Variants in TAF1 observed in about 807,000 individuals in gnomAD.
TAF1 encodes the protein transcription initiation factor TFIID subunit 1.
A neutral mutation model predicts 138.5 loss-of-function variants in TAF1; 2 were observed. That is an observed-to-expected ratio of 0.01 (90% CI 0.01 to 0.05). TAF1 has a LOEUF of 0.05. Among genes scored for constraint, TAF1 ranks in the 10% least tolerant of loss-of-function variants. The pLI, the probability that TAF1 is intolerant of heterozygous loss-of-function variation, is 1.00. For missense variants in TAF1, 709 were observed against 1,478.0 expected (o/e 0.48, Z 8.53); for synonymous variants, 437 against 503.2 (o/e 0.87, Z 1.76).
At chrX:71,383,834 A>G in intron 12 of TAF1, 128 bp from the exon 13 acceptor site, 1 of 836,301 alleles carries the variant, frequency 1.2e-6, no homozygotes, top group Admixed American at 3.7e-5. Flanking sequence ...AGTATGTTTG[A>G]AAATTTTGAT....
Position 71,454,228 on chromosome X carries a change from A to G in TAF1, c.4812A>G (p.Thr1604=), listed in dbSNP as rs200312244. ...AQEIVNVCYQ[T]LTEYDEHLTQ... ...AGATTGTGAACGTCTGTTACCAGAC[A>G]TTGACTGAGGTAGGTGGTAAAGATG... is the stretch of plus-strand genomic sequence containing the variant. The change falls in exon 33 of 38, where the codon ACA becomes ACG. Residue 1604 remains threonine, a synonymous_variant. Coordinates refer to ENST00000423759, the MANE Select transcript of TAF1 (RefSeq NM_004606.5). 93 of 1,207,918 alleles carry G rather than the reference A, an allele frequency of 7.7e-5. No homozygotes were observed. The highest frequency in any genetic ancestry group is 3.7e-4 in the Admixed American group (17 of 45,743).
At chrX:71,379,738 G>A (rs1431176408) in intron 8 of TAF1, among the ~76,000 whole-genome samples, 1 of 108,787 alleles carries the variant, frequency 9.2e-6, no homozygotes, top group Admixed American at 9.9e-5. Flanking sequence ...GGGTAGCTGG[G>A]ATTACAGGCA....
Position 71,378,380 on chromosome X carries a change from G to A in TAF1, c.1079G>A (p.Gly360Asp). 8.2e-7 allele frequency: 1 copy of A among 1,212,138 alleles called. No individual in the cohort carries two copies. The highest frequency in any genetic ancestry group is 1.1e-6 in the Non-Finnish European group (1 of 895,627). ...GATATGCTGGGTGTCCCTGAAGATG[G>A]CAGTGGGTTTGACTATGGCTTCAAA... ...WYDMLGVPED[G>D]SGFDYGFKLR... The change falls in exon 7 of 38, where the codon GGC becomes GAC. Residue 360 changes from glycine to aspartate, a missense_variant. By Grantham distance (94) the Gly-to-Asp change is moderately conservative. Coordinates refer to ENST00000423759, the MANE Select transcript of TAF1 (RefSeq NM_004606.5).
rs752071683 is a variant in TAF1 at position 71,406,567 on chromosome X, T to C, written c.3999-71T>C. The C allele has an allele frequency of 1.0e-5, 11 of 1,050,100 alleles. No individual in the cohort carries two copies. The East Asian group carries it at 2.8e-4, about 27-fold the overall frequency. 86.5% of individuals were successfully genotyped at this position (1,050,100 alleles called of 1,213,427 possible). A position where few individuals can be genotyped will look rare whatever the true frequency, so the allele number is the denominator to read the frequency against. Reference sequence around the variant, plus strand: ...TTAGGTACCTTGGACTTTTTTTTAATTATAGTTGCTTTTTTTCCCCCTGGG... The same window carrying C: ...TTAGGTACCTTGGACTTTTTTTTAACTATAGTTGCTTTTTTTCCCCCTGGG... On this transcript the variant is annotated intron_variant, in intron 25 of 37. Coordinates refer to ENST00000423759, the MANE Select transcript of TAF1 (RefSeq NM_004606.5).
intron 32 of TAF1, among the ~76,000 whole-genome samples, chrX:71,443,549 AAGG>A (rs2037535136): frequency 8.9e-6 from 1 of 111,843 alleles, no homozygotes; most frequent in African/African-American, 3.3e-5. Flanking sequence ...TTATCAGCTT[AAGG>A]AGATTTTGGG....
intron 13 of TAF1, among the ~76,000 whole-genome samples, chrX:71,484,574 C>T (rs776222526): frequency 4.7e-4 from 52 of 111,359 alleles, no homozygotes; most frequent in Middle Eastern, 4.6e-3. Context: ...TCAGGTGATC[C>T]GCCTGCCTTG....
intron 13 of TAF1, among the ~76,000 whole-genome samples, chrX:71,488,239 CTTTTTT>C (rs368273639): frequency 1.1e-4 from 8 of 71,299 alleles, no homozygotes; most frequent in African/African-American, 4.2e-4. Context: ...TAGGTGGTTT[CTTTTTT>C]TTTTTTTTTT....
intron 13 of TAF1, 106 bp from the exon 14 acceptor site, chrX:71,384,839 C>G: frequency 1.8e-6 from 1 of 559,775 alleles, no homozygotes; most frequent in Non-Finnish European, 2.8e-6. Flanking sequence ...TGGTCACAAG[C>G]ATTTTGGATG....
intron 32 of TAF1, among the ~76,000 whole-genome samples, chrX:71,442,502 T>G (rs1414539277): frequency 8.9e-6 from 1 of 112,386 alleles, no homozygotes; most frequent in African/African-American, 3.2e-5. Context: ...GCCCACTTTT[T>G]GATGGGGTTG....
At chrX:71,367,716 G>C (rs1222257561) in intron 2 of TAF1, 103 bp downstream of exon 2, 1 of 967,648 alleles carries the variant, frequency 1.0e-6, no homozygotes, top group Non-Finnish European at 1.4e-6. Context: ...TGTCTCCGAG[G>C]TTGGAGTGCA....
chrX:71,452,479 C>T (rs776148221), intron 32 of TAF1, among the ~76,000 whole-genome samples: 12 of 107,721 alleles, frequency 1.1e-4, no homozygotes, highest in African/African-American at 3.8e-4. Flanking sequence ...TGGGCAGAGA[C>T]GCTCCTCACT....
At chrX:71,438,515 T>G (rs896174169) in intron 32 of TAF1, among the ~76,000 whole-genome samples, 45 of 112,062 alleles carry the variant, frequency 4.0e-4, no homozygotes, top group Admixed American at 2.8e-3. Flanking sequence ...ACTATTTTCT[T>G]TGTCTTCCAG....
At chrX:71,513,676 G>A (rs1042379469) in intron 13 of TAF1, among the ~76,000 whole-genome samples, 1 of 111,509 alleles carries the variant, frequency 9.0e-6, no homozygotes, top group Non-Finnish European at 1.9e-5. Context: ...GAAGCCAGGA[G>A]TTCGAGACCA....
Position 71,395,838 on chromosome X carries a change from C to T in TAF1, c.3407-1415C>T, listed in dbSNP as rs752691283. Among the ~76,000 whole-genome samples the T allele has an allele frequency of 3.6e-5, 4 of 111,343 alleles. No individual in the cohort carries two copies. The South Asian group carries it at 1.1e-3, about 31-fold the overall frequency. Reference sequence around the variant, plus strand: ...GGAATTAGAAATGTGGAATCTCAGGCCTCACTCCACATCTACTAAATTAGA... The same window carrying T: ...GGAATTAGAAATGTGGAATCTCAGGTCTCACTCCACATCTACTAAATTAGA... On this transcript the variant is annotated intron_variant, in intron 22 of 37. Coordinates refer to ENST00000423759, the MANE Select transcript of TAF1 (RefSeq NM_004606.5).
rs1489609878 is a variant in TAF1, at chrX:71,452,325, G to A, written c.4754-1845G>A. Among the ~76,000 whole-genome samples, 7 of 108,271 alleles carry A rather than the reference G, an allele frequency of 6.5e-5. 1 individual carries two copies. Among genetic ancestry groups the A allele is most frequent in the African/African-American group, 2.0e-4 (6 of 29,655 alleles). The allele number at this position is 108,271 out of a possible 115,157, so 94.0% of individuals were successfully genotyped here. ...CAGACGGGGCGGTTGCCGGGCGGAG[G>A]GTCTCCTCACTTCTCAGACGGGGCA... On this transcript the variant is annotated intron_variant, in intron 32 of 37. Transcript: ENST00000423759.
At chrX:71,407,466 C>T (rs756443695) in intron 26 of TAF1, 108 bp from the exon 27 acceptor site, 2 of 694,068 alleles carry the variant, frequency 2.9e-6, no homozygotes, top group East Asian at 3.3e-5. Flanking sequence ...GGTCCACCCA[C>T]CTCAGCCTCC....
intron 28 of TAF1, among the ~76,000 whole-genome samples, chrX:71,409,924 G>T (rs1292313541): frequency 2.8e-5 from 3 of 106,901 alleles, no homozygotes; most frequent in Non-Finnish European, 5.8e-5. Flanking sequence ...ATGGAATCTT[G>T]CTCTGTCGCC....
intron 11 of TAF1, 51 bp from the exon 12 acceptor site, chrX:71,382,940 C>G (rs2033985514): frequency 8.4e-7 from 1 of 1,192,194 alleles, no homozygotes. Flanking sequence ...ATGGGAAAAT[C>G]TTGCTTAGGA....
Position 71,368,092 on chromosome X carries a change from G to C in TAF1, c.274G>C (p.Asp92His). 1 of 1,212,073 alleles carries C rather than the reference G, an allele frequency of 8.3e-7. No homozygotes were observed. Among genetic ancestry groups the C allele is most frequent in the Non-Finnish European group, 1.1e-6 (1 of 895,600 alleles). ...TACAGAAGATGCTGTGGACTATTCA[G>C]ACATCAATGAGGTGGCAGAAGATGA... ...RSTEDAVDYS[D>H]INEVAEDESR... The change falls in exon 3 of 38, where the codon GAC becomes CAC. Residue 92 changes from aspartate (D) to histidine (H), a missense_variant. Asp to His is a moderately conservative substitution (Grantham distance 81). Coordinates refer to ENST00000423759, the MANE Select transcript of TAF1 (RefSeq NM_004606.5).
Sources: allele counts gnomAD v4.1 joint callset (sites outside exome capture counted in the v4.1 genomes callset), GRCh38; gene constraint gnomAD v4.1.1; transcripts MANE v1.5; gene names NCBI Gene and HGNC (gene_info 2026-07-23, HGNC 2026-07-21).